Variants in CUL1 observed in about 807,000 individuals in gnomAD.
The protein encoded by CUL1 is cullin-1.
A neutral mutation model predicts 118.0 loss-of-function variants in CUL1; 24 were observed. The ratio of observed to expected loss-of-function variants is 0.20; its 90% CI spans 0.15 to 0.29. CUL1 has a LOEUF of 0.29. Among genes scored for constraint, CUL1 ranks in the 10% least tolerant of loss-of-function variants. The pLI, the probability that CUL1 is intolerant of heterozygous loss-of-function variation, is 1.00. For synonymous variants in CUL1, 332 were observed against 340.4 expected (o/e 0.98, Z 0.27); for missense variants, 361 against 933.8 (o/e 0.39, Z 7.99).
chr7:148,778,101 G>C, intron 9 of CUL1, among the ~76,000 whole-genome samples: 1 of 67,396 alleles, frequency 1.5e-5, no homozygotes, highest in African/African-American at 5.6e-5. Context: ...AAAAAAAGAA[G>C]AAGAAGAAGA....
At chr7:148,729,628 C>A (rs181085048) in intron 1 of CUL1, among the ~76,000 whole-genome samples, 17 of 152,256 alleles carry the variant, frequency 1.1e-4, no homozygotes, top group Admixed American at 7.2e-4. Context: ...ATATCCTTTG[C>A]CCTTTTTTCT....
chr7:148,742,210 A>G (rs1209621146), intron 2 of CUL1, among the ~76,000 whole-genome samples: 1 of 152,208 alleles, frequency 6.6e-6, no homozygotes, highest in Non-Finnish European at 1.5e-5. Flanking sequence ...CTGTTCTCAT[A>G]CAGCTAATAA....
chr7:148,708,899 G>A (rs377209449), intron 1 of CUL1, among the ~76,000 whole-genome samples: 23 of 152,162 alleles, frequency 1.5e-4, no homozygotes, highest in African/African-American at 4.6e-4. Flanking sequence ...ATAAATGTTG[G>A]AATTTTTCTA....
chr7:148,780,917 A>G (rs1336663697), intron 9 of CUL1, among the ~76,000 whole-genome samples: 1 of 151,916 alleles, frequency 6.6e-6, no homozygotes, highest in Non-Finnish European at 1.5e-5. Flanking sequence ...TACCTCCTGA[A>G]TGCTAAATCT....
intron 9 of CUL1, among the ~76,000 whole-genome samples, chr7:148,779,493 G>A (rs1584811430): frequency 6.6e-6 from 1 of 152,170 alleles, no homozygotes; most frequent in Non-Finnish European, 1.5e-5. Context: ...GGCAAAGGGG[G>A]ATCCCAGACA....
At chr7:148,725,219 G>GCACACACACACACACACACACACA in intron 1 of CUL1, among the ~76,000 whole-genome samples, 79 of 140,142 alleles carry the variant, frequency 5.6e-4, no homozygotes, top group Non-Finnish European at 7.0e-4. Flanking sequence ...ACACGCGCGC[G>GCACACACACACACACACACACACA]CTCACACACA....
At chr7:148,784,616 C>T (rs899601236) in intron 11 of CUL1, among the ~76,000 whole-genome samples, 1 of 152,092 alleles carries the variant, frequency 6.6e-6, no homozygotes, top group Non-Finnish European at 1.5e-5. Context: ...TTTTTCTCAG[C>T]TTCTCTTTCA....
intron 1 of CUL1, among the ~76,000 whole-genome samples, chr7:148,699,387 G>C (rs1203918580): frequency 6.6e-6 from 1 of 152,108 alleles, no homozygotes; most frequent in East Asian, 1.9e-4. Flanking sequence ...CTGGGTTCTC[G>C]GAGGGTGGGC....
chr7:148,698,814 T>TTGCGTGGTGCAGGCGGCGGCGGC (rs1299720143), upstream of CUL1: 1 of 154,546 alleles, frequency 6.5e-6, no homozygotes, highest in African/African-American at 2.4e-5. Flanking sequence ...AGGGCGGAGG[T>TTGCGTGGTGCAGGCGGCGGCGGC]TGCGTGGTGC....
chr7:148,699,581 T>G (rs1207365583), intron 1 of CUL1, among the ~76,000 whole-genome samples: 2 of 152,162 alleles, frequency 1.3e-5, no homozygotes, highest in Non-Finnish European at 2.9e-5. Flanking sequence ...GGAGCCGGGC[T>G]CTCTCGCTTT....
At position 148,741,766 on chromosome 7, in the gene CUL1, G is replaced by T. The variant is rs529903192; in HGVS notation, c.140+11504G>T. On this transcript the variant is annotated intron_variant, in intron 2 of 21. Transcript: ENST00000325222. ...TTTTGGTGTTTGTAGTAGAGACAGGGTTTCATCACGTTGGCCAGGCTGGTC... is the reference window on the plus strand; with the variant it reads ...TTTTGGTGTTTGTAGTAGAGACAGGTTTTCATCACGTTGGCCAGGCTGGTC... 3.3e-5 allele frequency among the ~76,000 whole-genome samples: 5 copies of T among 151,372 alleles called. No individual in the cohort carries two copies. In the East Asian group the frequency reaches 9.7e-4, roughly 29 times the overall value.
Position 148,744,044 on chromosome 7 carries a change from G to A in CUL1, c.141-9932G>A, listed in dbSNP as rs543004321. On this transcript the variant is annotated intron_variant, in intron 2 of 21. Transcript: ENST00000325222. ...CCCTTTTTATCCCTGGTAGTAATTTGTTGCCTGATAGTTATTAGCTTCTTT... is the reference window on the plus strand; with the variant it reads ...CCCTTTTTATCCCTGGTAGTAATTTATTGCCTGATAGTTATTAGCTTCTTT... Among the ~76,000 whole-genome samples the A allele has an allele frequency of 2.0e-5, 3 of 152,258 alleles. No individual in the cohort carries two copies. In the East Asian group the frequency reaches 5.8e-4, roughly 29 times the overall value.
At chr7:148,792,651 G>A in intron 16 of CUL1, 75 bp from the exon 17 acceptor site, 1 of 925,588 alleles carries the variant, frequency 1.1e-6, no homozygotes, top group Non-Finnish European at 1.7e-6. Context: ...CTTCAAACTT[G>A]GGCTGTATAT....
Position 148,718,805 on chromosome 7 carries a change from G to A in CUL1, c.-161-11157G>A, listed in dbSNP as rs909992877. 8.5e-5 allele frequency among the ~76,000 whole-genome samples: 13 copies of A among 152,220 alleles called. 1 individual carries two copies. Among genetic ancestry groups the A allele is most frequent in the East Asian group, 7.7e-4 (4 of 5,182 alleles). On this transcript the variant is annotated intron_variant, in intron 1 of 21. Coordinates refer to ENST00000325222, the MANE Select transcript of CUL1 (RefSeq NM_003592.3). Reference sequence around the variant, plus strand: ...TTGAGTGAACATGGTTTTTAATGCCGCAGATGTTTAATTATTAGCTTTGGG... The same window carrying A: ...TTGAGTGAACATGGTTTTTAATGCCACAGATGTTTAATTATTAGCTTTGGG...
At chr7:148,798,075 C>A in intron 19 of CUL1, 56 bp downstream of exon 19, 1 of 1,034,966 alleles carries the variant, frequency 9.7e-7, no homozygotes, top group Non-Finnish European at 1.5e-6. Flanking sequence ...CCCCCGGGAG[C>A]CCTAGCACGG....
intron 9 of CUL1, among the ~76,000 whole-genome samples, chr7:148,780,260 G>A (rs1213292982): frequency 6.6e-6 from 1 of 152,210 alleles, no homozygotes; most frequent in Non-Finnish European, 1.5e-5. Context: ...GCGGGGAATG[G>A]AGAGAAGAAT....
Position 148,789,819 on chromosome 7 carries a change from C to T in CUL1, c.1667C>T (p.Pro556Leu). The change falls in exon 15 of 22, where the codon CCG (proline) becomes CTG (leucine). Residue 556 changes from proline (P) to leucine (L), a missense_variant. Transcript: ENST00000325222. ...PFQQSCTFAL[P>L]SELERSYQRF... is the part of the protein sequence containing the mutation. ...CAGCAGTCTTGTACATTTGCCTTGC[C>T]GTCAGAGGTAAGGATGGGTTTGTCT... The T allele has an allele frequency of 2.5e-6, 4 of 1,614,050 alleles. No homozygotes were observed. The highest frequency in any genetic ancestry group is 3.4e-6 in the Non-Finnish European group (4 of 1,179,954).
In CUL1 at chr7:148,741,575, A is replaced by G. The variant is rs187232439; in HGVS notation, c.140+11313A>G. Among the ~76,000 whole-genome samples, 838 of 152,048 alleles carry G rather than the reference A, an allele frequency of 5.5e-3. 7 individuals carry two copies. The highest frequency in any genetic ancestry group is 0.019 in the African/African-American group (798 of 41,370). ...TGCCTCAGCCTCCCGAGTAGCTGGA[A>G]CCGCAGGTGTGCATCACCATGCCCA... On this transcript the variant is annotated intron_variant, in intron 2 of 21. Transcript: ENST00000325222.
At chr7:148,799,178 A>ACCACGATTC in intron 20 of CUL1, 97 bp from the exon 21 acceptor site, 1 of 816,488 alleles carries the variant, frequency 1.2e-6, no homozygotes. Flanking sequence ...GATCCTGTGC[A>ACCACGATTC]TAGGCGTCGG....
Sources: gnomAD v4.1 joint callset for allele counts (sites outside exome capture counted in the v4.1 genomes callset) on GRCh38, gnomAD v4.1.1 for gene constraint, MANE v1.5 for transcripts, NCBI Gene and HGNC (gene_info 2026-07-23, HGNC 2026-07-21) for gene names.